Variants in CADPS observed in about 807,000 individuals in gnomAD.
CADPS encodes the protein calcium dependent secretion activator.
Under a neutral mutation model 167.3 loss-of-function variants are expected in CADPS, and 57 were observed. The observed-to-expected ratio is 0.34, with a 90% CI of 0.28 to 0.42. The LOEUF is 0.42. CADPS is among the 20% of genes least tolerant of loss of function. The pLI, the probability that CADPS is intolerant of heterozygous loss-of-function variation, is 1.00. For synonymous variants in CADPS, 676 were observed against 635.3 expected (o/e 1.06, Z -0.96); for missense variants, 1,414 against 1,738.1 (o/e 0.81, Z 3.32).
chr3:62,594,143 AT>A (rs1237607335), intron 6 of CADPS, among the ~76,000 whole-genome samples: 233 of 144,706 alleles, frequency 1.6e-3, no homozygotes, highest in South Asian at 5.6e-3. Context: ...TTTTTTATTT[AT>A]TTTTTTTATT....
In CADPS at chr3:62,433,233, G is replaced by T. The variant is rs941643784; in HGVS notation, c.3777+4871C>A. On this transcript the variant is annotated intron_variant, in intron 28 of 29. Transcript: ENST00000383710. The surrounding 1 kb of genome is among the most constrained non-coding windows in gnomAD (Gnocchi z 4.7). ...AGCAAATATATTTTAACAGGCAAAG[G>T]TTTCATGTTTCAAATTACCCTTTTC... Among the ~76,000 whole-genome samples the T allele has an allele frequency of 1.3e-5, 2 of 152,048 alleles. No individual in the cohort carries two copies. Among genetic ancestry groups the T allele is most frequent in the Non-Finnish European group, 2.9e-5 (2 of 68,006 alleles).
intron 1 of CADPS, among the ~76,000 whole-genome samples, chr3:62,774,756 G>C (rs941514836): frequency 6.6e-6 from 1 of 152,278 alleles, no homozygotes; most frequent in African/African-American, 2.4e-5. Context: ...TCAATCTGTT[G>C]TGAAATGCCG....
At chr3:62,751,087 G>A (rs985265294) in intron 3 of CADPS, among the ~76,000 whole-genome samples, 1 of 152,122 alleles carries the variant, frequency 6.6e-6, no homozygotes, top group East Asian at 1.9e-4. Context: ...ACAGATTGCA[G>A]AAAGGCTACA....
intron 6 of CADPS, among the ~76,000 whole-genome samples, chr3:62,631,722 A>G (rs1475317467): frequency 6.6e-6 from 1 of 152,188 alleles, no homozygotes; most frequent in Non-Finnish European, 1.5e-5. Context: ...TCATTTGAGC[A>G]CAATGATTTG....
intron 28 of CADPS, among the ~76,000 whole-genome samples, chr3:62,406,112 G>A (rs1708386892): frequency 6.6e-6 from 1 of 152,196 alleles, no homozygotes; most frequent in Non-Finnish European, 1.5e-5. Flanking sequence ...CCTAAGGGAT[G>A]GAGCAGTGTG....
At chr3:62,689,012 T>A (rs4688309) in intron 3 of CADPS, among the ~76,000 whole-genome samples, 2 of 151,954 alleles carry the variant, frequency 1.3e-5, no homozygotes, top group Non-Finnish European at 2.9e-5. Context: ...GGAATAACAG[T>A]GTGATAAATG....
At chr3:62,473,732 G>C (rs967327851) in intron 24 of CADPS, 2 of 152,726 alleles carry the variant, frequency 1.3e-5, no homozygotes, top group Non-Finnish European at 2.9e-5. Context: ...GCTGGCTGGG[G>C]ATTGGGTAGC....
chr3:62,599,487 TTA>T (rs2059379686), intron 6 of CADPS, among the ~76,000 whole-genome samples: 2 of 123,124 alleles, frequency 1.6e-5, no homozygotes, highest in East Asian at 4.2e-4. Flanking sequence ...GTTTCTTTTA[TTA>T]TATATATATT....
intron 8 of CADPS, among the ~76,000 whole-genome samples, chr3:62,582,852 A>G (rs1013039484): frequency 2.6e-5 from 4 of 152,244 alleles, no homozygotes; most frequent in Non-Finnish European, 5.9e-5. Context: ...AATTTTACAA[A>G]CAAGTCAACA....
intron 3 of CADPS, among the ~76,000 whole-genome samples, chr3:62,664,964 A>G (rs1048364322): frequency 2.0e-5 from 3 of 152,324 alleles, no homozygotes; most frequent in African/African-American, 4.8e-5. Flanking sequence ...TTTTTATGGA[A>G]TATCTTGATA....
intron 3 of CADPS, among the ~76,000 whole-genome samples, chr3:62,700,832 C>T (rs1564024498): frequency 6.6e-6 from 1 of 152,066 alleles, no homozygotes; most frequent in South Asian, 2.1e-4. Context: ...TCAGTTTGGG[C>T]TGCTATCACA....
chr3:62,508,977 T>C (rs1400930459), intron 17 of CADPS, among the ~76,000 whole-genome samples: 1 of 151,988 alleles, frequency 6.6e-6, no homozygotes, highest in African/African-American at 2.4e-5. Flanking sequence ...AATCTGGGCT[T>C]GGAAACCCTG....
At chr3:62,453,702 C>T (rs541850974) in intron 26 of CADPS, among the ~76,000 whole-genome samples, 2 of 152,260 alleles carry the variant, frequency 1.3e-5, no homozygotes, top group East Asian at 1.9e-4. Context: ...GTGACAATTA[C>T]GGTGAAAGCC....
intron 11 of CADPS, among the ~76,000 whole-genome samples, chr3:62,542,839 G>A (rs2075911049): frequency 6.6e-6 from 1 of 152,094 alleles, no homozygotes; most frequent in Admixed American, 6.5e-5. Flanking sequence ...TCATAACAGA[G>A]ATTTTGTCAA....
At chr3:62,471,159 C>A (rs2060557070) in intron 24 of CADPS, among the ~76,000 whole-genome samples, 1 of 152,102 alleles carries the variant, frequency 6.6e-6, no homozygotes, top group African/African-American at 2.4e-5. Flanking sequence ...CATCGTTTGG[C>A]AGCTAAGGTA....
chr3:62,854,452 C>G (rs1460534627), intron 1 of CADPS, among the ~76,000 whole-genome samples: 1 of 152,130 alleles, frequency 6.6e-6, no homozygotes, highest in African/African-American at 2.4e-5. Context: ...AAAGACACTC[C>G]TATTAAAGAC....
At chr3:62,782,703 A>G (rs2091865907) in intron 1 of CADPS, among the ~76,000 whole-genome samples, 1 of 152,078 alleles carries the variant, frequency 6.6e-6, no homozygotes, top group African/African-American at 2.4e-5. Context: ...CTCGAAAATT[A>G]TCTTTGGTGC....
chr3:62,486,881 A>G (rs1047952930), intron 21 of CADPS, among the ~76,000 whole-genome samples: 3 of 152,024 alleles, frequency 2.0e-5, no homozygotes, highest in Non-Finnish European at 4.4e-5. Flanking sequence ...TTTTAATTAC[A>G]TGTAGATTAA....
chr3:62,674,291 C>T (rs543231769), intron 3 of CADPS, among the ~76,000 whole-genome samples: 1 of 152,298 alleles, frequency 6.6e-6, no homozygotes, highest in East Asian at 1.9e-4. Flanking sequence ...GTCACATGCA[C>T]CACTGTTTCC....
Sources: gnomAD v4.1 joint callset for allele counts (sites outside exome capture counted in the v4.1 genomes callset) on GRCh38, gnomAD v4.1.1 for gene constraint, Gnocchi (gnomAD v3.1) non-coding constraint, MANE v1.5 for transcripts, NCBI Gene and HGNC (gene_info 2026-07-23, HGNC 2026-07-21) for gene names.